The following COL24A1 variants were observed in gnomAD, a reference collection of about 807,000 sequenced individuals.
COL24A1 encodes collagen alpha-1(XXIV) chain.
Under a neutral mutation model 253.9 loss-of-function variants are expected in COL24A1, and 224 were observed. The ratio of observed to expected loss-of-function variants is 0.88; its 90% CI spans 0.79 to 0.99. COL24A1 has a LOEUF of 0.99. Among genes scored for constraint, COL24A1 ranks in the 50% least tolerant of loss-of-function variants. The pLI is 0.00. For missense variants in COL24A1, 2,131 were observed against 2,068.5 expected (o/e 1.03, Z -0.59); for synonymous variants, 685 against 673.7 (o/e 1.02, Z -0.26).
chr1:85,845,343 T>C (rs1353897385), intron 39 of COL24A1, among the ~76,000 whole-genome samples: 1 of 151,866 alleles, frequency 6.6e-6, no homozygotes, highest in Non-Finnish European at 1.5e-5. Context: ...AAAAAAATGT[T>C]GTAAAAGGAT....
intron 19 of COL24A1, among the ~76,000 whole-genome samples, chr1:85,989,684 T>C (rs1210696765): frequency 2.6e-5 from 4 of 152,124 alleles, no homozygotes; most frequent in African/African-American, 9.7e-5. Flanking sequence ...CTCTCTTCTT[T>C]ACTCTCTACC....
At chr1:85,823,386 G>T in intron 45 of COL24A1, 150 bp downstream of exon 45, 1 of 691,794 alleles carries the variant, frequency 1.4e-6, no homozygotes. Context: ...CACAATTATT[G>T]AAAAACACCC....
intron 19 of COL24A1, among the ~76,000 whole-genome samples, chr1:86,003,842 CAA>C (rs997221929): frequency 6.6e-6 from 1 of 151,976 alleles, no homozygotes; most frequent in African/African-American, 2.4e-5. Context: ...TGGGATTAGG[CAA>C]AGAGTATAAA....
At chr1:85,807,954 T>G (rs1391366544) in intron 47 of COL24A1, among the ~76,000 whole-genome samples, 1 of 152,120 alleles carries the variant, frequency 6.6e-6, no homozygotes, top group Non-Finnish European at 1.5e-5. Context: ...TAAATGGAGT[T>G]TTCATCCAAT....
intron 5 of COL24A1, among the ~76,000 whole-genome samples, chr1:86,110,345 T>C (rs888153299): frequency 6.8e-6 from 1 of 147,236 alleles, no homozygotes; most frequent in Admixed American, 6.8e-5. Context: ...CCATACGTTT[T>C]CCTATGTTCT....
intron 50 of COL24A1, among the ~76,000 whole-genome samples, chr1:85,783,771 C>T (rs17128307): frequency 0.13 from 20,010 of 152,016 alleles, 1,387 homozygotes; most frequent in Middle Eastern, 0.17. Flanking sequence ...TGGATAAGCA[C>T]AATAATGCCA....
At position 85,853,512 on chromosome 1, in the gene COL24A1, G is replaced by A. The variant is rs577570909; in HGVS notation, c.3301-4106C>T. 2.0e-5 allele frequency among the ~76,000 whole-genome samples: 3 copies of A among 152,292 alleles called. No individual in the cohort carries two copies. The South Asian group carries it at 6.2e-4, about 32-fold the overall frequency. On this transcript the variant is annotated intron_variant, in intron 37 of 59. Coordinates refer to ENST00000370571, the MANE Select transcript of COL24A1 (RefSeq NM_152890.7). ...CAGTAATGGGACTGCTGGGTTGAATGGTAGTTCTTTTAAAGTTCTTTGAGA... is the reference window on the plus strand; with the variant it reads ...CAGTAATGGGACTGCTGGGTTGAATAGTAGTTCTTTTAAAGTTCTTTGAGA...
chr1:86,118,761 A>C (rs1030114619), intron 3 of COL24A1, among the ~76,000 whole-genome samples: 2 of 152,220 alleles, frequency 1.3e-5, no homozygotes, highest in African/African-American at 4.8e-5. Context: ...GTATTTAGTT[A>C]GACCTAAAAG....
At chr1:86,067,720 C>T (rs1243477775) in intron 7 of COL24A1, among the ~76,000 whole-genome samples, 1 of 152,186 alleles carries the variant, frequency 6.6e-6, no homozygotes, top group Admixed American at 6.5e-5. Context: ...TTCCCATATG[C>T]CTCATTTATT....
chr1:86,018,826 GAAAGTGTATTTACGAAC>G (rs1373798220), intron 18 of COL24A1, among the ~76,000 whole-genome samples: 1 of 152,110 alleles, frequency 6.6e-6, no homozygotes, highest in Non-Finnish European at 1.5e-5. Context: ...TGGTCTAAAG[GAAAGTGTATTTACGAAC>G]AACCTCAGAG....
At chr1:85,899,288 A>T (rs1684053719) in intron 28 of COL24A1, among the ~76,000 whole-genome samples, 1 of 152,214 alleles carries the variant, frequency 6.6e-6, no homozygotes, top group Admixed American at 6.5e-5. Context: ...AAAATACTAT[A>T]AAAAACAAGT....
chr1:85,801,175 T>C (rs1043383435), intron 47 of COL24A1, among the ~76,000 whole-genome samples: 1 of 152,232 alleles, frequency 6.6e-6, no homozygotes, highest in Non-Finnish European at 1.5e-5. Context: ...GACTGTTAAA[T>C]GTTAGAGTTC....
intron 2 of COL24A1, among the ~76,000 whole-genome samples, chr1:86,132,027 T>C (rs1223962014): frequency 6.6e-6 from 1 of 152,194 alleles, no homozygotes. Context: ...CCAGCACTTG[T>C]TGTTTCCTGA....
At chr1:85,744,926 A>T (rs1665049061) in intron 56 of COL24A1, 92 bp from the exon 57 acceptor site, 2 of 961,168 alleles carry the variant, frequency 2.1e-6, no homozygotes, top group Non-Finnish European at 3.2e-6. Flanking sequence ...CATTATGTGT[A>T]GTAAGTTGTG....
chr1:85,776,482 G>A (rs1392904453), intron 52 of COL24A1, among the ~76,000 whole-genome samples: 11 of 110,408 alleles, frequency 1.0e-4, no homozygotes, highest in Non-Finnish European at 9.1e-5. Flanking sequence ...AATTTTATAT[G>A]TATATATATG....
intron 39 of COL24A1, among the ~76,000 whole-genome samples, chr1:85,845,782 CTT>C (rs1470061735): frequency 1.3e-5 from 2 of 151,550 alleles, no homozygotes; most frequent in East Asian, 3.9e-4. Flanking sequence ...TAAGAATAAA[CTT>C]AACAAGAAAG....
At chr1:85,921,669 A>G (rs1686513180) in intron 24 of COL24A1, among the ~76,000 whole-genome samples, 1 of 152,210 alleles carries the variant, frequency 6.6e-6, no homozygotes, top group African/African-American at 2.4e-5. Flanking sequence ...CCTGTAGGTC[A>G]CCATCATCAA....
intron 28 of COL24A1, among the ~76,000 whole-genome samples, chr1:85,899,020 G>T (rs1040371948): frequency 3.3e-5 from 5 of 152,052 alleles, no homozygotes; most frequent in African/African-American, 9.7e-5. Context: ...TTGAGTAGCC[G>T]AAGATGAAAA....
At chr1:86,050,392 G>A (rs896193787) in intron 10 of COL24A1, among the ~76,000 whole-genome samples, 1 of 152,008 alleles carries the variant, frequency 6.6e-6, no homozygotes, top group African/African-American at 2.4e-5. Context: ...AAGAAATGGT[G>A]GCTATTAAAA....
Sources: gnomAD v4.1 joint callset for allele counts (sites outside exome capture counted in the v4.1 genomes callset) on GRCh38, gnomAD v4.1.1 for gene constraint, MANE v1.5 for transcripts, NCBI Gene and HGNC (gene_info 2026-07-23, HGNC 2026-07-21) for gene names.